The following SRCAP variants were observed in gnomAD, a reference collection of about 807,000 sequenced individuals.
SRCAP encodes Snf2 related CREBBP activator protein.
SRCAP carries 46 observed loss-of-function variants against 263.1 expected under a neutral mutation model. That is an observed-to-expected ratio of 0.17 (90% confidence interval 0.14 to 0.22). SRCAP has a LOEUF of 0.22. SRCAP is among the 10% of genes least tolerant of loss of function. The probability of loss-of-function intolerance (pLI) is 1.00; values close to 1 mark genes in which losing one functional copy is unlikely to be tolerated. For synonymous variants in SRCAP, 1,813 were observed against 1,662.1 expected (o/e 1.09, Z -2.21); for missense variants, 3,695 against 4,181.9 (o/e 0.88, Z 3.21).
chr16:30,728,377 A>G (rs923624323), intron 25 of SRCAP, among the ~76,000 whole-genome samples: 2 of 152,214 alleles, frequency 1.3e-5, no homozygotes, highest in Non-Finnish European at 2.9e-5. Flanking sequence ...AGACTGTGAA[A>G]CTGGAAGCAC....
At position 30,737,299 on chromosome 16, in the gene SRCAP, C is replaced by T. The variant is rs766095417; in HGVS notation, c.7259C>T (p.Thr2420Ile). Residue 2420 changes from threonine to isoleucine, a missense_variant, in exon 34 of 34, where the codon ACT becomes ATT. By Grantham distance (89) the Thr-to-Ile change is moderately conservative. Around this residue, in one of 12 missense-constraint regions of SRCAP, gnomAD observed 1,207 missense variants for 1,142.9 expected, o/e 1.06. Coordinates refer to ENST00000262518, the MANE Select transcript of SRCAP (RefSeq NM_006662.3). ...ACTCCTGTCATATCCGCCCATCAAA[C>T]TCGCAGCACCACCACACCACCCCGC... is the stretch of plus-strand genomic sequence containing the variant. ...NHTPVISAHQ[T>I]RSTTTPPRCS... 1 of 1,614,068 alleles carries T rather than the reference C, an allele frequency of 6.2e-7. No homozygotes were observed. Among genetic ancestry groups the T allele is most frequent in the Non-Finnish European group, 8.5e-7 (1 of 1,180,022 alleles).
In SRCAP at chr16:30,700,862, C is replaced by A. The variant is rs1368103704; in HGVS notation, c.38C>A (p.Pro13Gln). The A allele has an allele frequency of 6.2e-7, 1 of 1,614,058 alleles. No homozygotes were observed. Among genetic ancestry groups the A allele is most frequent in the Non-Finnish European group, 8.5e-7 (1 of 1,180,020 alleles). ...CCCTCCCCTGCTCACCCTCAGCTCC[C>A]AGTCCTACAGACACAGGTTTGAAAG... ...SSPSPAHPQL[P>Q]VLQTQMVSDG... The change falls in exon 3 of 34, where the codon CCA (proline) becomes CAA (glutamine). Residue 13 changes from proline (P) to glutamine (Q), a missense_variant. Physicochemically the swap from Pro to Gln is moderately conservative, Grantham distance 76. Around this residue, in one of 12 missense-constraint regions of SRCAP, gnomAD observed 122 missense variants for 116.9 expected, o/e 1.04. Transcript: ENST00000262518.
At chr16:30,715,202 C>T (rs190138775) in intron 16 of SRCAP, among the ~76,000 whole-genome samples, 1 of 152,328 alleles carries the variant, frequency 6.6e-6, no homozygotes, top group East Asian at 1.9e-4. Context: ...AGCTAGACAT[C>T]TCTGGCCTTA....
Position 30,733,525 on chromosome 16 carries a change from CGG to C in SRCAP, c.6298-74_6298-73del. 1.2e-6 allele frequency: 2 copies of C among 1,604,672 alleles called. No individual in the cohort carries two copies. The highest frequency in any genetic ancestry group is 1.7e-6 in the Non-Finnish European group (2 of 1,174,164). ...TTTTCCCAGGATTTGGGCTTCCAGA[CGG>C]GGTGCCACTAAGCCTTTAGACCTGT... On this transcript the variant is annotated intron_variant, in intron 28 of 33. Transcript: ENST00000262518. This position sits in a 1 kb window ranked among gnomAD's most constrained non-coding sequence, Gnocchi z 5.3.
At chr16:30,705,261 C>G (rs2052813690) in intron 4 of SRCAP, among the ~76,000 whole-genome samples, 1 of 152,180 alleles carries the variant, frequency 6.6e-6, no homozygotes, top group African/African-American at 2.4e-5. Flanking sequence ...GATGATGCCA[C>G]TGCACACCAG....
chr16:30,736,323 G>A lies in SRCAP; in HGVS notation c.6853G>A (p.Ala2285Thr), dbSNP rs1339172713. Residue 2285 changes from alanine to threonine, a missense_variant, in exon 32 of 34, where the codon GCT (alanine) becomes ACT (threonine). Ala to Thr is a moderately conservative substitution (Grantham distance 58). Around this residue, in one of 12 missense-constraint regions of SRCAP, gnomAD observed 91 missense variants for 150.6 expected, o/e 0.60. Coordinates refer to ENST00000262518, the MANE Select transcript of SRCAP (RefSeq NM_006662.3). ...GTTTCCTGCTGGTGAGGGAGAGGAA[G>A]CTGGCCGGCCTGGGGCTGAGGATGA... ...DGFPAGEGEE[A>T]GRPGAEDEEM... The A allele has an allele frequency of 6.2e-7, 1 of 1,614,146 alleles. No homozygotes were observed. The highest frequency in any genetic ancestry group is 8.5e-7 in the Non-Finnish European group (1 of 1,180,012).
intron 14 of SRCAP, 48 bp downstream of exon 14, chr16:30,712,863 T>C (rs1026719295): frequency 6.3e-7 from 1 of 1,599,474 alleles, no homozygotes; most frequent in Non-Finnish European, 8.5e-7. Context: ...GCCTCCTTTA[T>C]TTTTAAGCCC....
At chr16:30,707,831 C>T (rs556337718) in intron 6 of SRCAP, 119 bp downstream of exon 6, 6 of 1,319,564 alleles carry the variant, frequency 4.5e-6, no homozygotes, top group Admixed American at 2.3e-5. Context: ...ACTCTAATGA[C>T]GTTTATGTTG....
chr16:30,714,254 C>T (rs1352320606), intron 16 of SRCAP, among the ~76,000 whole-genome samples: 8 of 151,630 alleles, frequency 5.3e-5, no homozygotes, highest in Admixed American at 4.6e-4. Context: ...TTAGTAGAGA[C>T]GGGGTTTCAC....
chr16:30,708,553 C>G (rs1025639255), intron 6 of SRCAP, among the ~76,000 whole-genome samples: 1 of 151,860 alleles, frequency 6.6e-6, no homozygotes, highest in Non-Finnish European at 1.5e-5. Context: ...GCCACTATGT[C>G]TGGCTAATTT....
At chr16:30,721,168 G>A in intron 20 of SRCAP, 21 bp from the exon 21 acceptor site, 1 of 1,583,444 alleles carries the variant, frequency 6.3e-7, no homozygotes, top group South Asian at 1.2e-5. Context: ...TATCTGACAG[G>A]TGTTTGCTTT....
chr16:30,723,984 A>C lies in SRCAP; in HGVS notation c.4560A>C (p.Thr1520=). The C allele has an allele frequency of 6.2e-7, 1 of 1,614,100 alleles. No homozygotes were observed. Among genetic ancestry groups the C allele is most frequent in the African/African-American group, 1.3e-5 (1 of 75,006 alleles). ...CTCCATCCCTGTCTTCATCTCAGAC[A>C]CCTGGTCACCCTCTGTTGTTGGCTC... The part of the protein sequence containing the change: ...ATAPSLSSSQ[T]PGHPLLLAPT... Residue 1520 remains threonine (T), a synonymous_variant, in exon 25 of 34, where the codon ACA becomes ACC. Transcript: ENST00000262518.
chr16:30,732,870 T>G (rs563657493), intron 27 of SRCAP, among the ~76,000 whole-genome samples: 112 of 152,352 alleles, frequency 7.4e-4, no homozygotes, highest in Non-Finnish European at 1.2e-3. Flanking sequence ...TCTCGCTTTG[T>G]TGCCCAGGCT....
chr16:30,714,537 T>TGTCA (rs2052927011), intron 16 of SRCAP, among the ~76,000 whole-genome samples: 1 of 79,150 alleles, frequency 1.3e-5, no homozygotes, highest in South Asian at 5.0e-4. Context: ...AGTCTCTCTC[T>TGTCA]GTCACCCAGG....
At chr16:30,719,199 T>C (rs890352468) in intron 18 of SRCAP, among the ~76,000 whole-genome samples, 1 of 83,604 alleles carries the variant, frequency 1.2e-5, no homozygotes, top group African/African-American at 3.5e-5. Context: ...CCCCGCCTAT[T>C]ATTTATTTAT....
chr16:30,720,927 G>C lies in SRCAP; in HGVS notation c.3202G>C (p.Gly1068Arg). ...PPLIPASRPP[G>R]PVLLPPLQPN... ...GCTTATTCCTGCATCTCGGCCTCCT[G>C]GCCCTGTCCTCTTGCCTCCACTGCA... The change falls in exon 20 of 34, where the codon GGC becomes CGC. Residue 1068 changes from glycine (G) to arginine (R), a missense_variant. This residue lies in a region of SRCAP where 1,347 missense variants were observed against 1,304.4 expected (regional missense o/e 1.03). Transcript: ENST00000262518. 6.2e-7 allele frequency: 1 copy of C among 1,613,822 alleles called. No homozygotes were observed. The highest frequency in any genetic ancestry group is 8.5e-7 in the Non-Finnish European group (1 of 1,179,842).
chr16:30,702,101 G>A (rs547964707), intron 3 of SRCAP, among the ~76,000 whole-genome samples: 42 of 150,640 alleles, frequency 2.8e-4, no homozygotes, highest in African/African-American at 9.3e-4. Flanking sequence ...CTACAGGTGC[G>A]CGCCACCACG....
At chr16:30,711,537 C>T (rs533708296) in intron 10 of SRCAP, 34 bp from the exon 11 acceptor site, 3 of 1,551,172 alleles carry the variant, frequency 1.9e-6, no homozygotes, top group Non-Finnish European at 2.6e-6. Flanking sequence ...TCCCTCCCCT[C>T]AGAGCAACCA....
rs984597071 is a variant in SRCAP, at chr16:30,737,575, C to T, written c.7535C>T (p.Thr2512Ile). Reference protein sequence around the residue: ...PPACTPPPAHTPPPAQTCLVT... With the variant: ...PPACTPPPAHIPPPAQTCLVT... ...GCCTGTACCCCTCCACCAGCTCATA[C>T]ACCGCCTCCAGCCCAAACCTGTCTT... The change falls in exon 34 of 34, where the codon ACA becomes ATA. Residue 2512 changes from threonine to isoleucine, a missense_variant. Coordinates refer to ENST00000262518, the MANE Select transcript of SRCAP (RefSeq NM_006662.3). 5 of 1,614,140 alleles carry T rather than the reference C, an allele frequency of 3.1e-6. No individual in the cohort carries two copies. The highest frequency in any genetic ancestry group is 1.7e-5 in the Admixed American group (1 of 60,028).
Sources: allele counts gnomAD v4.1 joint callset (sites outside exome capture counted in the v4.1 genomes callset), GRCh38; gene constraint gnomAD v4.1.1; regional missense constraint gnomAD v4.1.1; non-coding constraint Gnocchi (gnomAD v3.1); transcripts MANE v1.5; gene names NCBI Gene and HGNC (gene_info 2026-07-23, HGNC 2026-07-21).